The following ADAP2 variants were observed in gnomAD, a reference collection of about 807,000 sequenced individuals.
The protein encoded by ADAP2 is arf-GAP with dual PH domain-containing protein 2.
In ADAP2, 42 loss-of-function variants were observed where a neutral mutation model predicts 54.9. The observed-to-expected ratio is 0.77, with a 90% CI of 0.60 to 0.99. The LOEUF (loss-of-function observed/expected upper bound fraction) is 0.99, where lower values mean the gene tolerates loss of function less well. ADAP2 is among the 50% of genes least tolerant of loss of function. The pLI, the probability that ADAP2 is intolerant of heterozygous loss-of-function variation, is 0.00. For synonymous variants in ADAP2, 177 were observed against 180.1 expected (o/e 0.98, Z 0.14); for missense variants, 429 against 480.4 (o/e 0.89, Z 1.00).
intron 7 of ADAP2, among the ~76,000 whole-genome samples, chr17:30,952,523 G>T (rs552842945): frequency 6.6e-6 from 1 of 152,094 alleles, no homozygotes; most frequent in African/African-American, 2.4e-5. Context: ...TTACAAGCGC[G>T]TGCCACCATG....
intron 2 of ADAP2, among the ~76,000 whole-genome samples, chr17:30,923,557 A>T (rs1184230183): frequency 2.0e-5 from 3 of 150,164 alleles, no homozygotes; most frequent in Non-Finnish European, 4.5e-5. Flanking sequence ...AACCATCCTG[A>T]ACCGCTCCTG....
At chr17:30,955,217 T>C (rs1222943355) in intron 9 of ADAP2, among the ~76,000 whole-genome samples, 1 of 151,770 alleles carries the variant, frequency 6.6e-6, no homozygotes, top group Non-Finnish European at 1.5e-5. Context: ...CCAAGTTATC[T>C]TCCTGCCTCA....
At chr17:30,922,570 C>A (rs1007618322) in intron 1 of ADAP2, among the ~76,000 whole-genome samples, 2 of 152,114 alleles carry the variant, frequency 1.3e-5, no homozygotes, top group Non-Finnish European at 2.9e-5. Context: ...CGCTCCCAGA[C>A]GCCCCCCGAA....
At chr17:30,934,505 G>C (rs924887705) in intron 5 of ADAP2, among the ~76,000 whole-genome samples, 1 of 152,104 alleles carries the variant, frequency 6.6e-6, no homozygotes, top group Non-Finnish European at 1.5e-5. Flanking sequence ...AGCTTAGATA[G>C]GTCCATGTTT....
chr17:30,940,952 C>T (rs777418881), intron 5 of ADAP2, among the ~76,000 whole-genome samples: 1 of 152,204 alleles, frequency 6.6e-6, no homozygotes. Context: ...TTTGCTATGA[C>T]AGGACCACTT....
At chr17:30,938,747 A>G (rs1290923032) in intron 5 of ADAP2, among the ~76,000 whole-genome samples, 1 of 152,208 alleles carries the variant, frequency 6.6e-6, no homozygotes, top group Non-Finnish European at 1.5e-5. Context: ...GACCAGAGCA[A>G]TGCTAAAAGG....
intron 6 of ADAP2, among the ~76,000 whole-genome samples, chr17:30,946,356 C>T (rs1912678859): frequency 2.0e-5 from 3 of 151,756 alleles, no homozygotes. Context: ...CCTCAGCCTC[C>T]CGAGTGGCTG....
chr17:30,940,831 C>T (rs754769952), intron 5 of ADAP2, among the ~76,000 whole-genome samples: 2 of 152,188 alleles, frequency 1.3e-5, no homozygotes, highest in African/African-American at 2.4e-5. Flanking sequence ...AAAACACTCT[C>T]ATAATGAGCA....
chr17:30,934,942 A>G (rs1433084195), intron 5 of ADAP2, among the ~76,000 whole-genome samples: 2 of 152,132 alleles, frequency 1.3e-5, no homozygotes, highest in Admixed American at 1.3e-4. Flanking sequence ...AGTCCCAGCT[A>G]CTAGGGAGTC....
rs1905265035 is a variant in ADAP2, at chr17:30,958,954, AT to A, written c.*1086del. On this transcript the variant is annotated 3_prime_UTR_variant, in exon 11 of 11. Coordinates refer to ENST00000330889, the MANE Select transcript of ADAP2 (RefSeq NM_018404.3). ...GGATCCCCCAATCAAAGGATAAGCA[AT>A]GCGTAAGCCTGTGTCCTTCCTGAAG... 1 of 152,094 alleles carries A rather than the reference AT, an allele frequency of 6.6e-6. No homozygotes were observed. The highest frequency in any genetic ancestry group is 2.4e-5 in the African/African-American group (1 of 41,412). The allele number at this position is 152,094 out of a possible 1,614,324, so 9.4% of individuals were successfully genotyped here.
intron 6 of ADAP2, 72 bp from the exon 7 acceptor site, chr17:30,949,215 C>T (rs966232994): frequency 3.6e-5 from 48 of 1,315,764 alleles, no homozygotes; most frequent in African/African-American, 1.6e-4. Context: ...GCTAGCTTCC[C>T]GCCACCAGAG....
chr17:30,949,973 A>T (rs1904505569), intron 7 of ADAP2, among the ~76,000 whole-genome samples: 1 of 152,058 alleles, frequency 6.6e-6, no homozygotes, highest in South Asian at 2.1e-4. Flanking sequence ...TCTCTTTCTG[A>T]ACCCTTCTCC....
At chr17:30,929,384 C>T (rs536874115) in intron 3 of ADAP2, among the ~76,000 whole-genome samples, 1 of 152,324 alleles carries the variant, frequency 6.6e-6, no homozygotes, top group African/African-American at 2.4e-5. Context: ...GGGCCTGTCT[C>T]ATCCTGGCTC....
At chr17:30,934,526 T>C (rs1911732463) in intron 5 of ADAP2, among the ~76,000 whole-genome samples, 1 of 152,226 alleles carries the variant, frequency 6.6e-6, no homozygotes, top group Non-Finnish European at 1.5e-5. Context: ...AAGCCTTTGA[T>C]GACCACTTGG....
intron 7 of ADAP2, among the ~76,000 whole-genome samples, chr17:30,952,355 T>C (rs1050062164): frequency 1.3e-5 from 2 of 152,192 alleles, no homozygotes; most frequent in African/African-American, 4.8e-5. Context: ...CTGTCCACTC[T>C]GGCATCATTT....
At chr17:30,947,622 G>A (rs995390941) in intron 6 of ADAP2, among the ~76,000 whole-genome samples, 4 of 152,164 alleles carry the variant, frequency 2.6e-5, no homozygotes, top group African/African-American at 9.7e-5. Flanking sequence ...CAGAGTGTTG[G>A]GATTACAGGC....
Position 30,949,344 on chromosome 17 carries a change from G to T in ADAP2, c.715G>T (p.Ala239Ser). 1.2e-6 allele frequency: 2 copies of T among 1,614,158 alleles called. No individual in the cohort carries two copies. Among genetic ancestry groups the T allele is most frequent in the Non-Finnish European group, 1.7e-6 (2 of 1,180,012 alleles). ...RAARLQYLKMAFPELPESELV... is the reference protein window; with the variant it reads ...RAARLQYLKMSFPELPESELV... ...AGCCCGTCTGCAGTACCTAAAAATG[G>T]CCTTTCCTGAACTCCCAGAGTCTGA... Residue 239 changes from alanine (A) to serine (S), a missense_variant, in exon 7 of 11, where the codon GCC becomes TCC. Coordinates refer to ENST00000330889, the MANE Select transcript of ADAP2 (RefSeq NM_018404.3).
In ADAP2 at chr17:30,956,269, T is replaced by C. The variant is rs760507381; in HGVS notation, c.911T>C (p.Leu304Pro). 2.5e-6 allele frequency: 4 copies of C among 1,614,018 alleles called. No homozygotes were observed. Among genetic ancestry groups the C allele is most frequent in the African/African-American group, 1.3e-5 (1 of 74,924 alleles). The change falls in exon 10 of 11, where the codon CTT becomes CCT. Residue 304 changes from leucine (L) to proline (P), a missense_variant. Coordinates refer to ENST00000330889, the MANE Select transcript of ADAP2 (RefSeq NM_018404.3). ...LDAFEQGQVF[L>P]GNKEQGYEAY... ...GCCTTCGAGCAGGGCCAGGTTTTTCTTGGGAACAAGGAGCAGGGATATGAA... is the reference window on the plus strand; with the variant it reads ...GCCTTCGAGCAGGGCCAGGTTTTTCCTGGGAACAAGGAGCAGGGATATGAA...
chr17:30,937,857 C>T (rs1166712582), intron 5 of ADAP2, among the ~76,000 whole-genome samples: 1 of 152,140 alleles, frequency 6.6e-6, no homozygotes, highest in Non-Finnish European at 1.5e-5. Context: ...GCTCAAAAGT[C>T]CTTTTTATTT....
Sources: allele counts gnomAD v4.1 joint callset (sites outside exome capture counted in the v4.1 genomes callset), GRCh38; gene constraint gnomAD v4.1.1; transcripts MANE v1.5; gene names NCBI Gene and HGNC (gene_info 2026-07-23, HGNC 2026-07-21).